Variants in MYO10 observed in about 807,000 individuals in gnomAD.
The protein encoded by MYO10 is unconventional myosin-X.
A neutral mutation model predicts 257.3 loss-of-function variants in MYO10; 133 were observed. That is an observed-to-expected ratio of 0.52 (90% CI 0.45 to 0.60). MYO10 has a LOEUF of 0.60. Among genes scored for constraint, MYO10 ranks in the 20% least tolerant of loss-of-function variants. The pLI, the probability that MYO10 is intolerant of heterozygous loss-of-function variation, is 0.00. For synonymous variants in MYO10, 1,104 were observed against 1,028.6 expected, an observed-to-expected ratio of 1.07 and a Z score of -1.40; for missense variants, 2,399 against 2,635.7, an observed-to-expected ratio of 0.91 and a Z score of 1.97.
At chr5:16,876,633 C>A (rs941406359) in intron 2 of MYO10, among the ~76,000 whole-genome samples, 1 of 152,170 alleles carries the variant, frequency 6.6e-6, no homozygotes, top group Non-Finnish European at 1.5e-5. Flanking sequence ...CGGCTCACTG[C>A]AACCTCCGCC....
intron 35 of MYO10, among the ~76,000 whole-genome samples, chr5:16,674,302 T>C (rs1005775587): frequency 3.3e-5 from 5 of 152,144 alleles, no homozygotes; most frequent in Non-Finnish European, 7.3e-5. Context: ...ACCCCATCTC[T>C]ACTAAAAGTA....
At chr5:16,707,978 T>C (rs1453728747) in intron 21 of MYO10, among the ~76,000 whole-genome samples, 1 of 152,198 alleles carries the variant, frequency 6.6e-6, no homozygotes, top group East Asian at 1.9e-4. Context: ...AGAAGTTCAT[T>C]AGAGGTTTGA....
At chr5:16,747,568 A>G (rs1374095725) in intron 19 of MYO10, among the ~76,000 whole-genome samples, 2 of 152,176 alleles carry the variant, frequency 1.3e-5, no homozygotes, top group African/African-American at 2.4e-5. Flanking sequence ...AACTAGCATT[A>G]GGGCAAAGAG....
chr5:16,877,666 T>C lies in MYO10; in HGVS notation c.63A>G (p.Pro21=). ...CTTCTGCACAGGAATTTACAGTACT[T>C]GGAAAATGCTGGCCATTTTCTCTCA... ...VWLRENGQHF[P]STVNSCAEGI... is the part of the protein sequence containing the mutation. The change falls in exon 2 of 41, where the codon CCA becomes CCG. Residue 21 remains proline, a synonymous_variant. Transcript: ENST00000513610. The C allele has an allele frequency of 6.2e-7, 1 of 1,613,770 alleles. No individual in the cohort carries two copies. The highest frequency in any genetic ancestry group is 1.3e-5 in the African/African-American group (1 of 75,020).
Position 16,701,383 on chromosome 5 carries a change from G to A in MYO10, c.3012C>T (p.Phe1004=). 1.2e-6 allele frequency: 2 copies of A among 1,613,996 alleles called. No individual in the cohort carries two copies. Among genetic ancestry groups the A allele is most frequent in the South Asian group, 2.2e-5 (2 of 91,084 alleles). The change falls in exon 25 of 41, where the codon TTC becomes TTT. Residue 1004 remains phenylalanine (F), a synonymous_variant. Coordinates refer to ENST00000513610, the MANE Select transcript of MYO10 (RefSeq NM_012334.3). The surrounding 1 kb of genome is among the most constrained non-coding windows in gnomAD (Gnocchi z 8.1). ...GCTCGCTGGGGTTGGGGGAGTCCTT[G>A]AAGGCGTCGTCGTCGGCTTCGAAGC... ...DEGFEADDDA[F]KDSPNPSEHG...
Position 16,761,533 on chromosome 5 carries a change from A to C in MYO10, c.1670T>G (p.Val557Gly), listed in dbSNP as rs1305937840. 1 of 1,612,616 alleles carries C rather than the reference A, an allele frequency of 6.2e-7. No individual in the cohort carries two copies. The highest frequency in any genetic ancestry group is 2.2e-5 in the East Asian group (1 of 44,852). ...TCTGTTCTTCTCCAAGATACCTCGG[A>C]CATCATATTGCACCTAGTTTTAATA... ...KHYAGEVQYD[V>G]RGILEKNRDT... The change falls in exon 17 of 41, where the codon GTC becomes GGC. Residue 557 changes from valine to glycine, a missense_variant. Around this residue, in one of 3 missense-constraint regions of MYO10, gnomAD observed 337 missense variants for 446.8 expected, o/e 0.75. Transcript: ENST00000513610.
chr5:16,773,212 A>G (rs2126661242), intron 9 of MYO10, among the ~76,000 whole-genome samples: 1 of 152,238 alleles, frequency 6.6e-6, no homozygotes, highest in East Asian at 1.9e-4. Context: ...AGCCTATGAG[A>G]AAATAATTAT....
intron 19 of MYO10, among the ~76,000 whole-genome samples, chr5:16,734,513 C>T (rs577055328): frequency 6.6e-6 from 1 of 152,208 alleles, no homozygotes; most frequent in Admixed American, 6.5e-5. Flanking sequence ...TACCAAGACT[C>T]CCGATGTCAG....
chr5:16,673,552 G>T, intron 36 of MYO10, 130 bp downstream of exon 36: 1 of 850,736 alleles, frequency 1.2e-6, no homozygotes, highest in Non-Finnish European at 1.8e-6. Context: ...CATTTCCTTA[G>T]TATTGAGAGC....
At chr5:16,809,573 A>G (rs1025753030) in intron 3 of MYO10, among the ~76,000 whole-genome samples, 1 of 152,252 alleles carries the variant, frequency 6.6e-6, no homozygotes, top group Non-Finnish European at 1.5e-5. Flanking sequence ...GATGCCTGCT[A>G]ACACATTTTG....
chr5:16,821,399 G>A (rs900444628), intron 2 of MYO10, among the ~76,000 whole-genome samples: 1 of 145,374 alleles, frequency 6.9e-6, no homozygotes, highest in African/African-American at 2.6e-5. Flanking sequence ...CTGTAAACTA[G>A]AGTTCCCCAC....
chr5:16,899,097 TG>T (rs941207294), intron 1 of MYO10, among the ~76,000 whole-genome samples: 4 of 142,150 alleles, frequency 2.8e-5, no homozygotes, highest in African/African-American at 8.0e-5. Flanking sequence ...ATCATGCCGC[TG>T]CACTCCAGCC....
In MYO10 at chr5:16,687,182, G is replaced by A. The variant is rs566266138; in HGVS notation, c.3897-1351C>T. Among the ~76,000 whole-genome samples, 9 of 151,916 alleles carry A rather than the reference G, an allele frequency of 5.9e-5. No homozygotes were observed. The East Asian group carries it at 1.8e-3, about 30-fold the overall frequency. ...ACGAAAAATAAAAAATTAGCTGGGT[G>A]TAGTGGTACATGCTTATAGTCCCAG... On this transcript the variant is annotated intron_variant, in intron 28 of 40. Coordinates refer to ENST00000513610, the MANE Select transcript of MYO10 (RefSeq NM_012334.3).
At chr5:16,870,702 G>A (rs910936969) in intron 2 of MYO10, among the ~76,000 whole-genome samples, 2 of 152,156 alleles carry the variant, frequency 1.3e-5, no homozygotes, top group Middle Eastern at 3.4e-3. Context: ...AGACCAGCCC[G>A]ACCAACATGG....
chr5:16,871,469 T>C (rs1010147161), intron 2 of MYO10, among the ~76,000 whole-genome samples: 8 of 151,420 alleles, frequency 5.3e-5, no homozygotes, highest in African/African-American at 1.9e-4. Context: ...GAGTCAGGAG[T>C]GGTGGCATGT....
chr5:16,696,374 G>A (rs1175780010), intron 26 of MYO10, among the ~76,000 whole-genome samples: 4 of 152,018 alleles, frequency 2.6e-5, no homozygotes, highest in Middle Eastern at 3.4e-3. Flanking sequence ...TCATTCATTC[G>A]TTGCTCTGAA....
chr5:16,837,696 G>T (rs908044488), intron 2 of MYO10, among the ~76,000 whole-genome samples: 5 of 152,100 alleles, frequency 3.3e-5, no homozygotes, highest in Admixed American at 3.3e-4. Flanking sequence ...AGAACCCAGG[G>T]AATGCAAGGT....
At chr5:16,680,850 C>G (rs1367350492) in intron 32 of MYO10, among the ~76,000 whole-genome samples, 1 of 152,082 alleles carries the variant, frequency 6.6e-6, no homozygotes, top group Non-Finnish European at 1.5e-5. Context: ...TAAAAATTAG[C>G]CCGGTGTGAT....
chr5:16,850,948 C>A (rs1743785729), intron 2 of MYO10, among the ~76,000 whole-genome samples: 1 of 152,046 alleles, frequency 6.6e-6, no homozygotes, highest in Non-Finnish European at 1.5e-5. Flanking sequence ...GCATGCACCA[C>A]CATGCCCAGC....
Sources: gnomAD v4.1 joint callset for allele counts (sites outside exome capture counted in the v4.1 genomes callset) on GRCh38, gnomAD v4.1.1 for gene constraint, gnomAD v4.1.1 regional missense constraint, Gnocchi (gnomAD v3.1) non-coding constraint, MANE v1.5 for transcripts, NCBI Gene and HGNC (gene_info 2026-07-23, HGNC 2026-07-21) for gene names.